The following ZNF266 variants were observed in gnomAD, a reference collection of about 807,000 sequenced individuals.
The protein encoded by ZNF266 is zinc finger protein 266.
ZNF266 carries 16 observed loss-of-function variants against 16.4 expected under a neutral mutation model. The observed-to-expected ratio is 0.98, with a 90% confidence interval of 0.66 to 1.48. ZNF266 has a LOEUF of 1.48. Ranked by LOEUF, ZNF266 falls within the 40% of genes most tolerant of loss-of-function variation. The pLI, the probability that ZNF266 is intolerant of heterozygous loss-of-function variation, is 0.00. For missense variants in ZNF266, 738 were observed against 689.1 expected (o/e 1.07, Z -0.79); for synonymous variants, 262 against 237.9 (o/e 1.10, Z -0.93).
chr19:9,417,361 C>T (rs1599450962), intron 9 of ZNF266, among the ~76,000 whole-genome samples: 1 of 150,694 alleles, frequency 6.6e-6, no homozygotes, highest in Non-Finnish European at 1.5e-5. Context: ...GACAGTGAAA[C>T]TGTGTCTCAG....
intron 5 of ZNF266, among the ~76,000 whole-genome samples, chr19:9,428,654 C>A (rs777377353): frequency 2.3e-4 from 35 of 151,790 alleles, no homozygotes; most frequent in Non-Finnish European, 4.6e-4. Flanking sequence ...AACCGACCCA[C>A]CTTCTTCATG....
intron 5 of ZNF266, among the ~76,000 whole-genome samples, chr19:9,429,651 A>T (rs2071291358): frequency 6.6e-6 from 1 of 152,164 alleles, no homozygotes; most frequent in African/African-American, 2.4e-5. Context: ...ACATCCGTGG[A>T]CTGCCTCTCC....
chr19:9,414,928 T>C (rs540220404), intron 10 of ZNF266, among the ~76,000 whole-genome samples: 2 of 152,358 alleles, frequency 1.3e-5, no homozygotes, highest in South Asian at 2.1e-4. Context: ...CTCAAATGTC[T>C]GTAGAGTTTT....
At chr19:9,418,888 GA>G in intron 7 of ZNF266, 1 of 283,786 alleles carries the variant, frequency 3.5e-6, no homozygotes, top group Non-Finnish European at 6.7e-6. Context: ...GCAGATGCTA[GA>G]TAAACACTGA....
chr19:9,415,422 A>C (rs2068833756), intron 10 of ZNF266, among the ~76,000 whole-genome samples: 1 of 152,118 alleles, frequency 6.6e-6, no homozygotes, highest in Admixed American at 6.5e-5. Context: ...TCATTCTGCT[A>C]ATTTTCTTTT....
chr19:9,415,394 A>G (rs1253701982), intron 10 of ZNF266, among the ~76,000 whole-genome samples: 2 of 152,196 alleles, frequency 1.3e-5, no homozygotes, highest in East Asian at 1.9e-4. Flanking sequence ...TGGGAATGCT[A>G]CTTATCTCAA....
At chr19:9,423,195 TCTC>T (rs2070198273) in intron 5 of ZNF266, among the ~76,000 whole-genome samples, 1 of 152,100 alleles carries the variant, frequency 6.6e-6, no homozygotes, top group African/African-American at 2.4e-5. Flanking sequence ...CTGGGCCTAA[TCTC>T]CTGAAAGCAG....
At position 9,418,494 on chromosome 19, in the gene ZNF266, G is replaced by A. The variant is rs1222598224; in HGVS notation, c.235+11C>T. 4 of 1,613,946 alleles carry A rather than the reference G, an allele frequency of 2.5e-6. No individual in the cohort carries two copies. Among genetic ancestry groups the A allele is most frequent in the Admixed American group, 1.7e-5 (1 of 60,004 alleles). On this transcript the variant is annotated intron_variant, in intron 8 of 10. Transcript: ENST00000592904. ...TCCATAGTAGGCTACAAGGGATGAG[G>A]CCAGTCTTACCTACTGTGGCCAAAT...
In ZNF266 at chr19:9,415,546, G is replaced by T; in HGVS notation, c.405+108C>A. On this transcript the variant is annotated intron_variant, in intron 10 of 10. Coordinates refer to ENST00000592904, the MANE Select transcript of ZNF266 (RefSeq NM_001370374.1). ...TCCCACTTCAGCCTCCCAAAGTGCT[G>T]GGATTACAGGTGTGAGCCACCATTC... The T allele has an allele frequency of 6.6e-6, 6 of 905,176 alleles. No homozygotes were observed. The South Asian group carries it at 9.0e-5, about 14-fold the overall frequency. 56.1% of individuals were successfully genotyped at this position (905,176 alleles called of 1,614,324 possible). A position where few individuals can be genotyped will look rare whatever the true frequency, so the allele number is the denominator to read the frequency against.
At chr19:9,423,753 T>C (rs1192093714) in intron 5 of ZNF266, among the ~76,000 whole-genome samples, 2 of 152,128 alleles carry the variant, frequency 1.3e-5, no homozygotes, top group African/African-American at 4.8e-5. Context: ...CCCAGCACTT[T>C]GGGAGGCCGA....
At chr19:9,423,048 T>C (rs1449761643) in intron 5 of ZNF266, among the ~76,000 whole-genome samples, 1 of 152,182 alleles carries the variant, frequency 6.6e-6, no homozygotes, top group Non-Finnish European at 1.5e-5. Flanking sequence ...AAGATACCTG[T>C]TACTTTACCT....
chr19:9,416,806 G>C (rs1476729280), intron 9 of ZNF266, among the ~76,000 whole-genome samples: 1 of 150,156 alleles, frequency 6.7e-6, no homozygotes, highest in Non-Finnish European at 1.5e-5. Flanking sequence ...CTAGTAGCTG[G>C]GACTACAGGA....
chr19:9,427,446 G>A (rs1379822713), intron 5 of ZNF266, among the ~76,000 whole-genome samples: 3 of 151,806 alleles, frequency 2.0e-5, no homozygotes, highest in African/African-American at 7.3e-5. Flanking sequence ...TCAGCCTCCC[G>A]AGTAGCTGGG....
chr19:9,417,046 T>A (rs963300152), intron 9 of ZNF266, among the ~76,000 whole-genome samples: 1 of 152,148 alleles, frequency 6.6e-6, no homozygotes, highest in African/African-American at 2.4e-5. Context: ...CGTAAAAGTA[T>A]GAGAAGTTGA....
In ZNF266 at chr19:9,414,704, C is replaced by G; in HGVS notation, c.422G>C (p.Gly141Ala). ...SGIQMIGSHN[G>A]GEVSDVKQCG... is the part of the protein sequence containing the mutation. ...TTGCTTAACATCACTGACCTCCCCT[C>G]CGTTGTGGCTTCCTATCTGTTGATA... The change falls in exon 11 of 11, where the codon GGA becomes GCA. Residue 141 changes from glycine (G) to alanine (A), a missense_variant. Physicochemically the swap from Gly to Ala is moderately conservative, Grantham distance 60. Coordinates refer to ENST00000592904, the MANE Select transcript of ZNF266 (RefSeq NM_001370374.1). The G allele has an allele frequency of 6.4e-7, 1 of 1,570,676 alleles. No homozygotes were observed. The highest frequency in any genetic ancestry group is 8.7e-7 in the Non-Finnish European group (1 of 1,152,596).
chr19:9,421,810 T>TACAC (rs1668406111), intron 5 of ZNF266, among the ~76,000 whole-genome samples: 1 of 152,182 alleles, frequency 6.6e-6, no homozygotes, highest in African/African-American at 2.4e-5. Context: ...GGTAGATAGA[T>TACAC]ACACACATTG....
chr19:9,413,198 C>T lies in ZNF266; in HGVS notation c.*77G>A. 1 of 1,505,062 alleles carries T rather than the reference C, an allele frequency of 6.6e-7. No homozygotes were observed. The highest frequency in any genetic ancestry group is 8.9e-7 in the Non-Finnish European group (1 of 1,127,326). 93.2% of individuals were successfully genotyped at this position (1,505,062 alleles called of 1,614,324 possible). A position where few individuals can be genotyped will look rare whatever the true frequency, so the allele number is the denominator to read the frequency against. On this transcript the variant is annotated 3_prime_UTR_variant, in exon 11 of 11. Transcript: ENST00000592904. ...ATACAAAGTTGCTTCCACATTTTTA[C>T]ATTCATAGGGTTTCTCCCCAGTGAG...
chr19:9,424,220 C>CAAAAAAAA (rs55740067), intron 5 of ZNF266, among the ~76,000 whole-genome samples: 20 of 121,608 alleles, frequency 1.6e-4, no homozygotes, highest in Non-Finnish European at 2.6e-4. Context: ...AACCAAGAGG[C>CAAAAAAAA]AAAAAAAAAA....
At chr19:9,428,561 C>T (rs1434688629) in intron 5 of ZNF266, among the ~76,000 whole-genome samples, 1 of 152,128 alleles carries the variant, frequency 6.6e-6, no homozygotes, top group East Asian at 1.9e-4. Context: ...CCAGGATGTC[C>T]CTAATAAAGG....
Sources: gnomAD v4.1 joint callset for allele counts (sites outside exome capture counted in the v4.1 genomes callset) on GRCh38, gnomAD v4.1.1 for gene constraint, MANE v1.5 for transcripts, NCBI Gene and HGNC (gene_info 2026-07-23, HGNC 2026-07-21) for gene names.